Variants in YY1 observed in about 807,000 individuals in gnomAD.
The protein encoded by YY1 is transcriptional repressor protein YY1.
YY1 carries 2 observed loss-of-function variants against 35.6 expected under a neutral mutation model. The observed-to-expected ratio is 0.06, with a 90% confidence interval of 0.02 to 0.18. The LOEUF is 0.18. YY1 is among the 10% of genes least tolerant of loss of function. The pLI is 1.00. For synonymous variants in YY1, 268 were observed against 238.9 expected (o/e 1.12, Z -1.12); for missense variants, 322 against 573.4 (o/e 0.56, Z 4.48).
chr14:100,270,468 AAAAAAATAGCC>A (rs1891221028), intron 2 of YY1, among the ~76,000 whole-genome samples: 1 of 147,396 alleles, frequency 6.8e-6, no homozygotes, highest in Non-Finnish European at 1.5e-5. Context: ...AAAAAAAAAA[AAAAAAATAGCC>A]AGGCATGGTG....
intron 1 of YY1, 131 bp downstream of exon 1, chr14:100,240,054 G>T: frequency 1.2e-6 from 1 of 837,710 alleles, no homozygotes; most frequent in Non-Finnish European, 1.6e-6. Flanking sequence ...ATGGCGGGCC[G>T]TGCGGCGGCG....
At chr14:100,270,782 CAG>C (rs1254350095) in intron 2 of YY1, among the ~76,000 whole-genome samples, 1 of 152,120 alleles carries the variant, frequency 6.6e-6, no homozygotes, top group Non-Finnish European at 1.5e-5. Context: ...ACACTCAACA[CAG>C]AATGTTTCCA....
intron 1 of YY1, among the ~76,000 whole-genome samples, chr14:100,240,386 G>T (rs1222707929): frequency 6.6e-6 from 1 of 150,448 alleles, no homozygotes; most frequent in African/African-American, 2.4e-5. Flanking sequence ...CGGGACGCGC[G>T]CCCCCGCCCC....
chr14:100,269,885 A>G (rs1891208649), intron 2 of YY1, among the ~76,000 whole-genome samples: 1 of 152,100 alleles, frequency 6.6e-6, no homozygotes, highest in African/African-American at 2.4e-5. Context: ...ATAATAACAA[A>G]CCAAGAGTTG....
chr14:100,240,907 T>C (rs1394615967), intron 1 of YY1, among the ~76,000 whole-genome samples: 1 of 152,238 alleles, frequency 6.6e-6, no homozygotes, highest in Non-Finnish European at 1.5e-5. Flanking sequence ...TAAGCCTTTA[T>C]GGTTTTTACT....
At chr14:100,255,044 A>G (rs919967586) in intron 1 of YY1, among the ~76,000 whole-genome samples, 4 of 132,006 alleles carry the variant, frequency 3.0e-5, no homozygotes, top group African/African-American at 1.1e-4. Context: ...TGATCCACCC[A>G]CCTTGGCCTC....
rs776893346 is a variant in YY1 at position 100,239,673 on chromosome 14, C to T, written c.429C>T (p.Asp143=). 5 of 1,608,214 alleles carry T rather than the reference C, an allele frequency of 3.1e-6. No individual in the cohort carries two copies. Among genetic ancestry groups the T allele is most frequent in the Non-Finnish European group, 4.2e-6 (5 of 1,179,428 alleles). ...IPVPAPAGGD[D]DYIEQTLVTV... is the part of the protein sequence containing the mutation. ...TGCCCGCGCCGGCCGGCGGCGACGA[C>T]GACTACATTGAACAAACGCTGGTCA... Residue 143 remains aspartate (D), a synonymous_variant, in exon 1 of 5, where the codon GAC becomes GAT. Coordinates refer to ENST00000262238, the MANE Select transcript of YY1 (RefSeq NM_003403.5).
intron 1 of YY1, 136 bp downstream of exon 1, chr14:100,240,059 G>C (rs1890704793): frequency 1.2e-6 from 1 of 823,104 alleles, no homozygotes; most frequent in African/African-American, 1.8e-5. Context: ...GGGCCGTGCG[G>C]CGGCGGGGGC....
chr14:100,257,087 C>T (rs915593927), intron 1 of YY1, among the ~76,000 whole-genome samples: 40 of 152,210 alleles, frequency 2.6e-4, no homozygotes, highest in African/African-American at 9.1e-4. Flanking sequence ...CTTGATATGT[C>T]GCTAAGTTCT....
chr14:100,248,982 C>T (rs997085686), intron 1 of YY1, among the ~76,000 whole-genome samples: 1 of 151,994 alleles, frequency 6.6e-6, no homozygotes, highest in Non-Finnish European at 1.5e-5. Context: ...CCATCACGCC[C>T]AGCCAAGTAA....
chr14:100,260,707 G>A (rs184985030), intron 1 of YY1, among the ~76,000 whole-genome samples: 31 of 145,156 alleles, frequency 2.1e-4, no homozygotes, highest in African/African-American at 7.1e-4. Context: ...TCCTGACCTC[G>A]TGATCCACCT....
Position 100,239,204 on chromosome 14 carries a change from G to C in YY1, c.-41G>C, listed in dbSNP as rs1411375194. ...CCTCGCCCGCCCGCCCGCAGCCGAG[G>C]AGCCGAGGCCGCCGCGGCCGTGGCG... On this transcript the variant is annotated 5_prime_UTR_variant, in exon 1 of 5. Coordinates refer to ENST00000262238, the MANE Select transcript of YY1 (RefSeq NM_003403.5). 4.2e-6 allele frequency: 6 copies of C among 1,422,182 alleles called. No individual in the cohort carries two copies. The highest frequency in any genetic ancestry group is 4.6e-6 in the Non-Finnish European group (5 of 1,095,266). The allele number at this position is 1,422,182 out of a possible 1,614,324, so 88.1% of individuals were successfully genotyped here.
chr14:100,275,897 GCTT>G (rs1453187267), intron 3 of YY1: 4 of 160,564 alleles, frequency 2.5e-5, no homozygotes, highest in African/African-American at 9.6e-5. Context: ...CAATTTGCCT[GCTT>G]CTTCCTTTTC....
intron 2 of YY1, among the ~76,000 whole-genome samples, chr14:100,271,363 G>A (rs892958733): frequency 6.6e-6 from 1 of 152,198 alleles, no homozygotes; most frequent in East Asian, 1.9e-4. Flanking sequence ...AGGTGGCGCA[G>A]TGGCACCAAA....
Position 100,277,234 on chromosome 14 carries a change from G to T in YY1, c.1063-184G>T. 2.8e-6 allele frequency: 2 copies of T among 726,106 alleles called. No individual in the cohort carries two copies. Among genetic ancestry groups the T allele is most frequent in the Non-Finnish European group, 4.7e-6 (2 of 423,546 alleles). The allele number at this position is 726,106 out of a possible 1,614,324, so 45.0% of individuals were successfully genotyped here. A position where few individuals can be genotyped will look rare whatever the true frequency, so the allele number is the denominator to read the frequency against. ...TAAACAGTTCGTGAGGGCTCTCCTT[G>T]GGTTTTCGGGGTTGTCCAACCTGCC... On this transcript the variant is annotated intron_variant, in intron 4 of 4. Transcript: ENST00000262238. The surrounding 1 kb of genome is among the most constrained non-coding windows in gnomAD (Gnocchi z 5.6).
intron 1 of YY1, among the ~76,000 whole-genome samples, chr14:100,246,303 T>C (rs1890832813): frequency 1.3e-5 from 2 of 152,212 alleles, no homozygotes; most frequent in African/African-American, 4.8e-5. Context: ...CCCCATTCTG[T>C]CCCGTGCCAG....
intron 1 of YY1, among the ~76,000 whole-genome samples, chr14:100,249,776 G>GTTTTTTTTTTTTTTTTTT (rs1890897396): frequency 7.4e-6 from 1 of 135,986 alleles, no homozygotes; most frequent in African/African-American, 2.8e-5. Flanking sequence ...TTTTGTTTTT[G>GTTTTTTTTTTTTTTTTTT]TTTTTGTTTT....
chr14:100,253,419 A>T (rs1309946112), intron 1 of YY1, among the ~76,000 whole-genome samples: 1 of 152,106 alleles, frequency 6.6e-6, no homozygotes, highest in Non-Finnish European at 1.5e-5. Context: ...TAGCCAGGCT[A>T]GTCTTTTTTA....
At chr14:100,275,335 G>A (rs913712299) in intron 3 of YY1, among the ~76,000 whole-genome samples, 4 of 152,212 alleles carry the variant, frequency 2.6e-5, no homozygotes, top group Non-Finnish European at 4.4e-5. Flanking sequence ...GAGAGATTGA[G>A]TGGAATAAAG....
Sources: gnomAD v4.1 joint callset for allele counts (sites outside exome capture counted in the v4.1 genomes callset) on GRCh38, gnomAD v4.1.1 for gene constraint, Gnocchi (gnomAD v3.1) non-coding constraint, MANE v1.5 for transcripts, NCBI Gene and HGNC (gene_info 2026-07-23, HGNC 2026-07-21) for gene names.